Variants in ANAPC2 observed in about 807,000 individuals in gnomAD.
ANAPC2 encodes anaphase-promoting complex subunit 2.
Under a neutral mutation model 84.3 loss-of-function variants are expected in ANAPC2, and 29 were observed. The observed-to-expected ratio is 0.34, with a 90% CI of 0.26 to 0.47. The LOEUF is 0.47. ANAPC2 is among the 20% of genes least tolerant of loss of function. The pLI is 1.00. For missense variants in ANAPC2, 857 were observed against 1,131.7 expected (o/e 0.76, Z 3.48); for synonymous variants, 571 against 479.4 (o/e 1.19, Z -2.50).
rs758120018 is a variant in ANAPC2 at position 137,175,842 on chromosome 9, G to T, written c.1891-5C>A. ...CCAACTGAGGGTCCGCATGGCCTAA[G>T]GAGGGCCAGGGTCAGCACGGGCAGC... On this transcript the variant is annotated splice_region_variant and splice_polypyrimidine_tract_variant and intron_variant, in intron 10 of 12. Transcript: ENST00000323927. 16 of 1,601,156 alleles carry T rather than the reference G, an allele frequency of 1.0e-5. No individual in the cohort carries two copies. Among genetic ancestry groups the T allele is most frequent in the Non-Finnish European group, 1.3e-5 (15 of 1,173,950 alleles).
At chr9:137,180,736 T>TG (rs2131335073) in intron 8 of ANAPC2, 52 bp downstream of exon 8, 1 of 1,592,832 alleles carries the variant, frequency 6.3e-7, no homozygotes, top group South Asian at 1.1e-5. Flanking sequence ...CGAGAGAGGC[T>TG]GGGCAAAGGC....
chr9:137,188,283 G>A (rs778469718), intron 1 of ANAPC2, 133 bp downstream of exon 1: 30 of 1,294,862 alleles, frequency 2.3e-5, no homozygotes, highest in Non-Finnish European at 2.9e-5. Context: ...GAAACGGAAA[G>A]GTGGTGGAAA....
At chr9:137,186,447 G>C (rs759020174) in intron 2 of ANAPC2, 91 bp from the exon 3 acceptor site, 2 of 1,475,512 alleles carry the variant, frequency 1.4e-6, no homozygotes, top group Non-Finnish European at 1.8e-6. Flanking sequence ...CCTGCCTGTA[G>C]AGTGCATGCA....
chr9:137,180,663 C>G, intron 8 of ANAPC2, 125 bp downstream of exon 8: 2 of 1,556,802 alleles, frequency 1.3e-6, no homozygotes, highest in Non-Finnish European at 1.7e-6. Context: ...ACACCCCCAG[C>G]CAGGAGTGGG....
rs1480715385 is a variant in ANAPC2, at chr9:137,180,240, C to T, written c.1831G>A (p.Val611Ile). 5 of 1,613,846 alleles carry T rather than the reference C, an allele frequency of 3.1e-6. No homozygotes were observed. The highest frequency in any genetic ancestry group is 1.1e-5 in the South Asian group (1 of 91,090). Residue 611 changes from valine to isoleucine, a missense_variant, in exon 10 of 13, where the codon GTC (valine) becomes ATC (isoleucine). Val to Ile is a conservative substitution (Grantham distance 29). Transcript: ENST00000323927. Reference protein sequence around the residue: ...WPPFKDEKLEVPEDIRAALEA... With the variant: ...WPPFKDEKLEIPEDIRAALEA... The stretch of plus-strand genomic sequence containing the variant: ...AGGGCTGCCCTGATATCCTCGGGGA[C>T]CTCCAGCTTCTCGTCCTTGAAGGGC...
In ANAPC2 at chr9:137,174,909, G is replaced by A. The variant is rs970502193; in HGVS notation, c.*33C>T. The A allele has an allele frequency of 9.5e-6, 14 of 1,472,316 alleles. No individual in the cohort carries two copies. The highest frequency in any genetic ancestry group is 4.0e-5 in the South Asian group (3 of 74,454). The allele number at this position is 1,472,316 out of a possible 1,614,324, so 91.2% of individuals were successfully genotyped here. On this transcript the variant is annotated 3_prime_UTR_variant, in exon 13 of 13. Coordinates refer to ENST00000323927, the MANE Select transcript of ANAPC2 (RefSeq NM_013366.4). The surrounding 1 kb of genome is among the most constrained non-coding windows in gnomAD (Gnocchi z 6.1). ...AGGACGAGAGCACCTGCAGGGCAGC[G>A]CCTGGCGGGCGGGCGGGCGGGCGGG...
At chr9:137,177,928 A>G (rs1834259984) in intron 10 of ANAPC2, among the ~76,000 whole-genome samples, 1 of 152,128 alleles carries the variant, frequency 6.6e-6, no homozygotes, top group Non-Finnish European at 1.5e-5. Context: ...GGAAGAGGGG[A>G]GGAAGCAGCC....
chr9:137,182,037 C>A (rs1834354438), intron 6 of ANAPC2, among the ~76,000 whole-genome samples, 175 bp from the exon 7 acceptor site: 2 of 152,208 alleles, frequency 1.3e-5, no homozygotes, highest in African/African-American at 4.8e-5. Context: ...AACAAATAAA[C>A]CCAACGTTAC....
chr9:137,187,030 C>T (rs1247334442), intron 2 of ANAPC2: 1 of 184,130 alleles, frequency 5.4e-6, no homozygotes, highest in Non-Finnish European at 1.2e-5. Flanking sequence ...TCACAACAAA[C>T]CCCTCTCCTC....
chr9:137,188,001 ACT>A lies in ANAPC2; in HGVS notation c.218_219del (p.Glu73ValfsTer17). On this transcript the variant is annotated frameshift_variant, in exon 2 of 13. Transcript: ENST00000323927. LOFTEE classifies it high-confidence loss of function. ...TCGTTCTGCAGCACCTCCACGAACC[ACT>A]CCTCCAGGACCGAGTGTAGCCCGTG... is the stretch of plus-strand genomic sequence containing the variant. ...RGHGLHSVLE[E>X]WFVEVLQNDL... The A allele has an allele frequency of 6.2e-7, 1 of 1,613,346 alleles. No homozygotes were observed. Among genetic ancestry groups the A allele is most frequent in the Non-Finnish European group, 8.5e-7 (1 of 1,179,924 alleles).
Position 137,175,333 on chromosome 9 carries a change from C to T in ANAPC2, c.2160G>A (p.Arg720=). 6.2e-7 allele frequency: 1 copy of T among 1,612,646 alleles called. No individual in the cohort carries two copies. Residue 720 remains arginine (R), a synonymous_variant, in exon 12 of 13, where the codon CGG becomes CGA. Transcript: ENST00000323927. The part of the protein sequence containing the change: ...PGTFSVIEEE[R]PQDRDNMVLI... ...GCACCATGTTGTCCCGGTCCTGAGG[C>T]CGCTCCTCCTCAATGACAGAGAAGG...
intron 5 of ANAPC2, 160 bp downstream of exon 5, chr9:137,183,512 C>T: frequency 1.7e-6 from 2 of 1,158,358 alleles, no homozygotes; most frequent in South Asian, 1.6e-5. Context: ...CTGACGGGCA[C>T]CTCAGATCCC....
At chr9:137,176,752 G>A (rs573928940) in intron 10 of ANAPC2, 42 of 152,414 alleles carry the variant, frequency 2.8e-4, no homozygotes, top group African/African-American at 9.9e-4. Context: ...GGAGGCAGCA[G>A]AGAGCTTGGC....
At chr9:137,179,274 A>G (rs1302765536) in intron 10 of ANAPC2, among the ~76,000 whole-genome samples, 1 of 151,972 alleles carries the variant, frequency 6.6e-6, no homozygotes, top group Non-Finnish European at 1.5e-5. Context: ...GGCACACTGG[A>G]GGCCTCACAG....
intron 6 of ANAPC2, among the ~76,000 whole-genome samples, chr9:137,182,278 C>T (rs1390040165): frequency 4.6e-5 from 7 of 152,094 alleles, no homozygotes; most frequent in Admixed American, 1.3e-4. Context: ...TTCAGGAGGC[C>T]GAGGCAGGCG....
In ANAPC2 at chr9:137,175,491, G is replaced by A. The variant is rs764993669; in HGVS notation, c.2021-19C>T. ...CAGCTGGCTGCGTGCAGAGTCACCGGGACGCTGGGCAGCCTGGGCACGGGC... is the reference window on the plus strand; with the variant it reads ...CAGCTGGCTGCGTGCAGAGTCACCGAGACGCTGGGCAGCCTGGGCACGGGC... On this transcript the variant is annotated intron_variant, in intron 11 of 12. Transcript: ENST00000323927. The A allele has an allele frequency of 1.3e-6, 2 of 1,537,958 alleles. No homozygotes were observed. The highest frequency in any genetic ancestry group is 1.8e-6 in the Non-Finnish European group (2 of 1,139,862).
chr9:137,175,894 G>A, intron 10 of ANAPC2, 57 bp from the exon 11 acceptor site: 1 of 1,528,714 alleles, frequency 6.5e-7, no homozygotes, highest in South Asian at 1.2e-5. Context: ...CAGGCCCGTG[G>A]GCTCTGCCAC....
intron 4 of ANAPC2, among the ~76,000 whole-genome samples, chr9:137,184,405 GACACAGGGAGCCCAGACGCAGAC>G (rs1834413137): frequency 6.7e-6 from 1 of 149,280 alleles, no homozygotes. Context: ...CCCAGACGCA[GACACAGGGAGCCCAGACGCAGAC>G]ACAGAGCAGA....
intron 2 of ANAPC2, 169 bp from the exon 3 acceptor site, chr9:137,186,525 C>T (rs1834474056): frequency 5.9e-6 from 6 of 1,010,888 alleles, no homozygotes; most frequent in South Asian, 1.8e-5. Context: ...GCGGTTGTAC[C>T]AAAGGCTTCA....
Sources: allele counts gnomAD v4.1 joint callset (sites outside exome capture counted in the v4.1 genomes callset), GRCh38; gene constraint gnomAD v4.1.1; non-coding constraint Gnocchi (gnomAD v3.1); transcripts MANE v1.5; gene names NCBI Gene and HGNC (gene_info 2026-07-23, HGNC 2026-07-21).